The following TRPM3 variants were observed in gnomAD, a reference collection of about 807,000 sequenced individuals.
TRPM3 encodes long transient receptor potential channel 3.
In TRPM3, 77 loss-of-function variants were observed where a neutral mutation model predicts 181.2. That is an observed-to-expected ratio of 0.42 (90% CI 0.35 to 0.51). The LOEUF is 0.51. TRPM3 is among the 20% of genes least tolerant of loss of function. The pLI, the probability that TRPM3 is intolerant of heterozygous loss-of-function variation, is 0.01. For missense variants in TRPM3, 1,759 were observed against 2,196.7 expected (o/e 0.80, Z 3.98); for synonymous variants, 745 against 796.4 (o/e 0.94, Z 1.09).
At chr9:70,779,048 C>A (rs983549848) in intron 7 of TRPM3, among the ~76,000 whole-genome samples, 4 of 152,016 alleles carry the variant, frequency 2.6e-5, no homozygotes, top group Non-Finnish European at 5.9e-5. Flanking sequence ...AGTTAGCATT[C>A]ATTTATGCCT....
chr9:71,441,168 T>G (rs2094131150), intron 1 of TRPM3, among the ~76,000 whole-genome samples: 1 of 152,138 alleles, frequency 6.6e-6, no homozygotes, highest in Non-Finnish European at 1.5e-5. Context: ...TATTAATTAC[T>G]AGAGAAAGAT....
At chr9:70,546,038 T>C (rs2044788577) in intron 25 of TRPM3, among the ~76,000 whole-genome samples, 1 of 152,180 alleles carries the variant, frequency 6.6e-6, no homozygotes, top group African/African-American at 2.4e-5. Flanking sequence ...TCAGAACATG[T>C]TTGTTAAGTC....
At chr9:71,378,861 A>G (rs1428493163) in intron 1 of TRPM3, among the ~76,000 whole-genome samples, 1 of 152,058 alleles carries the variant, frequency 6.6e-6, no homozygotes, top group Non-Finnish European at 1.5e-5. Context: ...TATATTATTG[A>G]ATAATTATAT....
chr9:70,565,337 A>G (rs2050274302), intron 22 of TRPM3, among the ~76,000 whole-genome samples: 2 of 152,000 alleles, frequency 1.3e-5, no homozygotes, highest in South Asian at 4.1e-4. Flanking sequence ...CTTGTTGCTC[A>G]GGCTGGAGTG....
intron 1 of TRPM3, among the ~76,000 whole-genome samples, chr9:71,354,018 T>G (rs1469452349): frequency 6.6e-6 from 1 of 152,190 alleles, no homozygotes. Context: ...TCTCAAGCAC[T>G]GCAGACTATT....
At chr9:71,090,304 G>C (rs2065990271) in intron 1 of TRPM3, among the ~76,000 whole-genome samples, 1 of 152,186 alleles carries the variant, frequency 6.6e-6, no homozygotes. Flanking sequence ...TGTGCCAAGG[G>C]ACAGTTGCTA....
In TRPM3 at chr9:71,004,585, G is replaced by C. The variant is rs569353070; in HGVS notation, c.177+116593C>G. On this transcript the variant is annotated intron_variant, in intron 1 of 25. Coordinates refer to ENST00000677713, the MANE Select transcript of TRPM3 (RefSeq NM_001366145.2). ...GATGTAAGGATTATGAAAACCCAGA[G>C]AACTATGACATCACCAAAAGAAACA... Among the ~76,000 whole-genome samples, 8 of 152,244 alleles carry C rather than the reference G, an allele frequency of 5.3e-5. No homozygotes were observed. The South Asian group carries it at 1.7e-3, about 32-fold the overall frequency.
At chr9:71,190,891 G>A (rs1210764458) in intron 1 of TRPM3, among the ~76,000 whole-genome samples, 1 of 151,814 alleles carries the variant, frequency 6.6e-6, no homozygotes, top group East Asian at 1.9e-4. Context: ...GCCATTCACA[G>A]GTTCCCTGCC....
rs540848824 is a variant in TRPM3, at chr9:71,094,202, T to C, written c.177+26976A>G. ...GCAGCAAACCACCATGACACCTGTA[T>C]ACCTGTATAACAAACCTGCACGTTG... On this transcript the variant is annotated intron_variant, in intron 1 of 25. Transcript: ENST00000677713. 9.9e-5 allele frequency among the ~76,000 whole-genome samples: 15 copies of C among 152,144 alleles called. No individual in the cohort carries two copies. The East Asian group carries it at 2.9e-3, about 30-fold the overall frequency.
At chr9:70,817,959 G>A (rs1348371072) in intron 6 of TRPM3, among the ~76,000 whole-genome samples, 1 of 151,018 alleles carries the variant, frequency 6.6e-6, no homozygotes, top group East Asian at 1.9e-4. Context: ...GTTTTTTTTG[G>A]AACTGTTATT....
chr9:70,694,493 T>A (rs888520504), intron 8 of TRPM3, among the ~76,000 whole-genome samples: 1 of 152,172 alleles, frequency 6.6e-6, no homozygotes, highest in African/African-American at 2.4e-5. Flanking sequence ...GAAAATCTTT[T>A]TTTTTGAGAC....
chr9:71,371,342 G>C (rs750566413), intron 1 of TRPM3, among the ~76,000 whole-genome samples: 1 of 152,190 alleles, frequency 6.6e-6, no homozygotes, highest in African/African-American at 2.4e-5. Context: ...CACCATTCTA[G>C]ATGCCACTAA....
At chr9:71,087,864 A>T (rs1268989434) in intron 1 of TRPM3, among the ~76,000 whole-genome samples, 2 of 152,148 alleles carry the variant, frequency 1.3e-5, no homozygotes, top group Non-Finnish European at 2.9e-5. Flanking sequence ...AATCTGCATG[A>T]ATACAAAGCA....
intron 7 of TRPM3, among the ~76,000 whole-genome samples, chr9:70,777,986 G>GACAC (rs149258078): frequency 0.018 from 2,687 of 149,306 alleles, 44 homozygotes; most frequent in Admixed American, 0.052. Flanking sequence ...AAATTTAACA[G>GACAC]ACACAGACAC....
chr9:70,640,227 C>A (rs1248252468), intron 10 of TRPM3, among the ~76,000 whole-genome samples: 2 of 152,176 alleles, frequency 1.3e-5, no homozygotes, highest in African/African-American at 2.4e-5. Context: ...ATTAATAATT[C>A]TACCCCTTCC....
intron 1 of TRPM3, among the ~76,000 whole-genome samples, chr9:71,287,149 TAATA>T (rs2085368862): frequency 1.4e-5 from 2 of 146,570 alleles, no homozygotes; most frequent in African/African-American, 5.0e-5. Context: ...AATATATAAA[TAATA>T]AATATATGTA....
intron 1 of TRPM3, among the ~76,000 whole-genome samples, chr9:71,165,642 G>A (rs944640225): frequency 6.6e-6 from 1 of 152,126 alleles, no homozygotes; most frequent in Non-Finnish European, 1.5e-5. Context: ...TCTGTAGAAT[G>A]AGGAACCTAA....
chr9:70,907,905 C>T (rs1185104963), intron 1 of TRPM3, among the ~76,000 whole-genome samples: 1 of 152,198 alleles, frequency 6.6e-6, no homozygotes, highest in East Asian at 1.9e-4. Flanking sequence ...TAATCGCTGC[C>T]TAGTATTCCA....
At chr9:71,389,001 TAAA>T (rs2092995163) in intron 1 of TRPM3, among the ~76,000 whole-genome samples, 2 of 151,942 alleles carry the variant, frequency 1.3e-5, no homozygotes, top group Admixed American at 6.6e-5. Flanking sequence ...TGTTACATGA[TAAA>T]AAGAAGAGAT....
Sources: allele counts gnomAD v4.1 joint callset (sites outside exome capture counted in the v4.1 genomes callset), GRCh38; gene constraint gnomAD v4.1.1; transcripts MANE v1.5; gene names NCBI Gene and HGNC (gene_info 2026-07-23, HGNC 2026-07-21).